The following PLEKHA2 variants were observed in gnomAD, a reference collection of about 807,000 sequenced individuals.
PLEKHA2 encodes pleckstrin homology domain-containing family A member 2.
PLEKHA2 carries 28 observed loss-of-function variants against 53.2 expected under a neutral mutation model. The ratio of observed to expected loss-of-function variants is 0.53; its 90% CI spans 0.39 to 0.72. PLEKHA2 has a LOEUF of 0.72. Among genes scored for constraint, PLEKHA2 ranks in the 30% least tolerant of loss-of-function variants. The pLI, the probability that PLEKHA2 is intolerant of heterozygous loss-of-function variation, is 0.00. For missense variants in PLEKHA2, 426 were observed against 537.9 expected, an observed-to-expected ratio of 0.79 and a Z score of 2.06; for synonymous variants, 193 against 196.4, an observed-to-expected ratio of 0.98 and a Z score of 0.14.
At chr8:38,925,965 C>T (rs948793056) in intron 2 of PLEKHA2, among the ~76,000 whole-genome samples, 4 of 152,330 alleles carry the variant, frequency 2.6e-5, no homozygotes, top group Admixed American at 2.0e-4. Context: ...AATAGATGCA[C>T]GTGGTGCAGA....
intron 3 of PLEKHA2, among the ~76,000 whole-genome samples, chr8:38,939,123 C>T (rs1360155445): frequency 6.6e-6 from 1 of 151,976 alleles, no homozygotes; most frequent in Non-Finnish European, 1.5e-5. Flanking sequence ...AGGCTGGTCT[C>T]GAACTCCTGA....
chr8:38,956,327 G>A (rs10095030), intron 9 of PLEKHA2, among the ~76,000 whole-genome samples: 56,646 of 151,968 alleles, frequency 0.37, 11,737 homozygotes, highest in African/African-American at 0.57. Context: ...AGTGCCCTGA[G>A]GTCATCTCCT....
At chr8:38,945,081 G>A (rs900312762) in intron 4 of PLEKHA2, among the ~76,000 whole-genome samples, 1 of 152,202 alleles carries the variant, frequency 6.6e-6, no homozygotes, top group African/African-American at 2.4e-5. Flanking sequence ...GAGTCACCGT[G>A]CATGGGTGCC....
At chr8:38,905,685 C>CTTTTTTTT (rs5891048) in intron 1 of PLEKHA2, among the ~76,000 whole-genome samples, 1 of 117,624 alleles carries the variant, frequency 8.5e-6, no homozygotes, top group Non-Finnish European at 1.7e-5. Flanking sequence ...TGTGTTTTTG[C>CTTTTTTTT]TTTTTTTTTT....
chr8:38,937,765 C>T (rs1834524016), intron 3 of PLEKHA2, among the ~76,000 whole-genome samples: 1 of 152,188 alleles, frequency 6.6e-6, no homozygotes, highest in Non-Finnish European at 1.5e-5. Context: ...AGGGGTTTTT[C>T]CCAGAATGAC....
chr8:38,928,109 T>C (rs1289168657), intron 2 of PLEKHA2, among the ~76,000 whole-genome samples: 1 of 152,082 alleles, frequency 6.6e-6, no homozygotes, highest in South Asian at 2.1e-4. Flanking sequence ...GAGGCTGGAT[T>C]GAAGAAAGGG....
At chr8:38,923,280 C>T (rs1032422350) in intron 2 of PLEKHA2, among the ~76,000 whole-genome samples, 1 of 152,218 alleles carries the variant, frequency 6.6e-6, no homozygotes, top group East Asian at 1.9e-4. Context: ...GCAATCTTGG[C>T]TCTGCCACTA....
intron 2 of PLEKHA2, among the ~76,000 whole-genome samples, chr8:38,925,484 C>G (rs944715895): frequency 6.6e-6 from 1 of 152,180 alleles, no homozygotes; most frequent in African/African-American, 2.4e-5. Flanking sequence ...CAAATTTACT[C>G]TGTCAAATGT....
intron 10 of PLEKHA2, among the ~76,000 whole-genome samples, chr8:38,958,976 G>A (rs183068646): frequency 7.4e-4 from 112 of 152,238 alleles, no homozygotes; most frequent in Non-Finnish European, 9.6e-4. Flanking sequence ...CACTGTGATG[G>A]TGGGTGTGTG....
intron 1 of PLEKHA2, among the ~76,000 whole-genome samples, chr8:38,906,220 C>G (rs1291776382): frequency 6.6e-6 from 1 of 152,246 alleles, no homozygotes; most frequent in Non-Finnish European, 1.5e-5. Flanking sequence ...GGTGCCCTCT[C>G]TGGTGGAGAT....
chr8:38,918,161 C>G (rs375203740), intron 2 of PLEKHA2, 91 bp downstream of exon 2: 2 of 1,466,726 alleles, frequency 1.4e-6, no homozygotes, highest in African/African-American at 2.8e-5. Context: ...GGCCTAGGCT[C>G]GTGAGCAACA....
At chr8:38,916,307 A>G (rs1331376637) in intron 1 of PLEKHA2, among the ~76,000 whole-genome samples, 4 of 152,148 alleles carry the variant, frequency 2.6e-5, no homozygotes, top group African/African-American at 9.7e-5. Context: ...GTGCAATTAA[A>G]TTATTATTGA....
intron 1 of PLEKHA2, among the ~76,000 whole-genome samples, chr8:38,906,602 C>T (rs1281789280): frequency 6.6e-6 from 1 of 152,150 alleles, no homozygotes; most frequent in African/African-American, 2.4e-5. Context: ...CAGTACGTTC[C>T]CTTCTCTCGC....
chr8:38,950,721 G>A lies in PLEKHA2; in HGVS notation c.346-129G>A, dbSNP rs575590040. 38 of 1,142,738 alleles carry A rather than the reference G, an allele frequency of 3.3e-5. No individual in the cohort carries two copies. The South Asian group carries it at 5.8e-4, about 17-fold the overall frequency. 70.8% of individuals were successfully genotyped at this position (1,142,738 alleles called of 1,614,324 possible). A position where few individuals can be genotyped will look rare whatever the true frequency, so the allele number is the denominator to read the frequency against. On this transcript the variant is annotated intron_variant, in intron 5 of 11. Coordinates refer to ENST00000617275, the MANE Select transcript of PLEKHA2 (RefSeq NM_021623.2). ...TCAGATTTGGACTGTGGAAGGCTTGGGGAGGACACGCAAGTCTGACTGTAA... is the reference window on the plus strand; with the variant it reads ...TCAGATTTGGACTGTGGAAGGCTTGAGGAGGACACGCAAGTCTGACTGTAA...
intron 10 of PLEKHA2, among the ~76,000 whole-genome samples, chr8:38,963,644 CAGG>C (rs1278833345): frequency 6.6e-6 from 1 of 152,058 alleles, no homozygotes; most frequent in Admixed American, 6.6e-5. Flanking sequence ...GAGGCTGAGG[CAGG>C]AGGATTGCTT....
chr8:38,926,424 C>T (rs931585143), intron 2 of PLEKHA2, among the ~76,000 whole-genome samples: 3 of 149,200 alleles, frequency 2.0e-5, no homozygotes, highest in East Asian at 1.9e-4. Flanking sequence ...ACTCCGTCTC[C>T]GAGACTGAAG....
At chr8:38,939,918 T>G (rs1834569643) in intron 3 of PLEKHA2, among the ~76,000 whole-genome samples, 1 of 151,456 alleles carries the variant, frequency 6.6e-6, no homozygotes, top group Admixed American at 6.6e-5. Flanking sequence ...AGACCCTGTC[T>G]CTACAAAAAA....
intron 6 of PLEKHA2, 32 bp downstream of exon 6, chr8:38,951,022 TG>T (rs1834827140): frequency 3.7e-6 from 5 of 1,357,500 alleles, no homozygotes; most frequent in African/African-American, 1.9e-5. Flanking sequence ...GCGGGGGGAG[TG>T]GGGGTGTGGA....
intron 2 of PLEKHA2, among the ~76,000 whole-genome samples, chr8:38,927,842 C>CA (rs1200157716): frequency 2.6e-5 from 4 of 151,952 alleles, no homozygotes; most frequent in Non-Finnish European, 5.9e-5. Flanking sequence ...TTGTTCTGGC[C>CA]AGGACATCGG....
Sources: gnomAD v4.1 joint callset for allele counts (sites outside exome capture counted in the v4.1 genomes callset) on GRCh38, gnomAD v4.1.1 for gene constraint, MANE v1.5 for transcripts, NCBI Gene and HGNC (gene_info 2026-07-23, HGNC 2026-07-21) for gene names.